UFD1: variants seen among roughly 807,000 people sequenced by gnomAD.
The protein encoded by UFD1 is ubiquitin recognition factor in ER-associated degradation protein 1.
Under a neutral mutation model 45.9 loss-of-function variants are expected in UFD1, and 13 were observed. That is an observed-to-expected ratio of 0.28 (90% CI 0.18 to 0.45). The LOEUF (loss-of-function observed/expected upper bound fraction) is 0.45, where lower values mean the gene tolerates loss of function less well. Ranked by LOEUF, UFD1 falls within the 20% of genes least tolerant of loss-of-function variation. The pLI, the probability that UFD1 is intolerant of heterozygous loss-of-function variation, is 1.00. For synonymous variants in UFD1, 128 were observed against 139.2 expected, an observed-to-expected ratio of 0.92 and a Z score of 0.56; for missense variants, 218 against 389.2, an observed-to-expected ratio of 0.56 and a Z score of 3.70.
At chr22:19,457,699 T>C (rs1039083250) in intron 7 of UFD1, among the ~76,000 whole-genome samples, 14 of 152,034 alleles carry the variant, frequency 9.2e-5, no homozygotes, top group Non-Finnish European at 1.5e-4. Flanking sequence ...TAATCCCAGC[T>C]ACTCGGGAGG....
chr22:19,476,645 T>A (rs1177337897), intron 1 of UFD1, among the ~76,000 whole-genome samples: 1 of 143,712 alleles, frequency 7.0e-6, no homozygotes, highest in Admixed American at 7.5e-5. Flanking sequence ...CAGATAATAC[T>A]GAAATCTATA....
At chr22:19,459,184 G>A (rs192264072) in intron 6 of UFD1, among the ~76,000 whole-genome samples, 419 of 152,254 alleles carry the variant, frequency 2.8e-3, no homozygotes, top group Middle Eastern at 0.01. Flanking sequence ...AAATGCAGCT[G>A]AATTATATTT....
At chr22:19,463,583 T>A (rs1439656363) in intron 6 of UFD1, among the ~76,000 whole-genome samples, 1 of 152,244 alleles carries the variant, frequency 6.6e-6, no homozygotes, top group Non-Finnish European at 1.5e-5. Flanking sequence ...GAGTGCTTTT[T>A]CCAGAGAGGA....
intron 11 of UFD1, chr22:19,453,601 AAGG>A: frequency 2.0e-6 from 2 of 985,544 alleles, no homozygotes; most frequent in Non-Finnish European, 2.4e-6. Context: ...ATGGTGCCTG[AAGG>A]AGGAGCTGGA....
chr22:19,479,171 C>A lies in UFD1; in HGVS notation c.-86G>T. On this transcript the variant is annotated 5_prime_UTR_variant, in exon 1 of 12. Transcript: ENST00000263202. ...ACCGCTCTCCCAGCCGCCGCTGCCG[C>A]TGCCGCCGCGCCAAGCCGGTACGCC... 6.4e-7 allele frequency: 1 copy of A among 1,573,122 alleles called. No homozygotes were observed.
Position 19,471,676 on chromosome 22 carries a change from G to A in UFD1, c.291+11C>T, listed in dbSNP as rs1024591000. The stretch of plus-strand genomic sequence containing the variant: ...TGGCTGCTCTCTAGAGACCCTGGCA[G>A]CCCCACTCACCCAGTGTGGGAGGTA... On this transcript the variant is annotated intron_variant, in intron 4 of 11. Coordinates refer to ENST00000263202, the MANE Select transcript of UFD1 (RefSeq NM_005659.7). 5 of 1,611,942 alleles carry A rather than the reference G, an allele frequency of 3.1e-6. No homozygotes were observed. The highest frequency in any genetic ancestry group is 4.2e-6 in the Non-Finnish European group (5 of 1,179,644).
intron 6 of UFD1, among the ~76,000 whole-genome samples, chr22:19,459,507 C>A (rs1261501159): frequency 6.6e-6 from 1 of 151,930 alleles, no homozygotes. Flanking sequence ...CCCAGCTATT[C>A]GGGAGGCTGA....
At chr22:19,450,834 T>C in intron 11 of UFD1, 90 bp from the exon 12 acceptor site, 1 of 1,597,684 alleles carries the variant, frequency 6.3e-7, no homozygotes, top group Non-Finnish European at 8.5e-7. Context: ...CCATCCACAT[T>C]ACTCATAAGA....
chr22:19,454,007 A>G (rs1159353433), intron 11 of UFD1: 1 of 985,564 alleles, frequency 1.0e-6, no homozygotes, highest in Non-Finnish European at 1.2e-6. Context: ...CAAAGTGCCC[A>G]TGTCTACAGG....
intron 4 of UFD1, among the ~76,000 whole-genome samples, chr22:19,470,959 G>A (rs949157462): frequency 6.6e-6 from 1 of 152,204 alleles, no homozygotes; most frequent in African/African-American, 2.4e-5. Context: ...CAAAGAGAAG[G>A]ACAAGCAGGT....
rs757394418 is a variant in UFD1 at position 19,467,870 on chromosome 22, T to C, written c.422+3A>G. ...AAGAACTCCGCTTATTTGAAAAAGA[T>C]ACACGGCTTTGGGGTTGGTGATGTC... On this transcript the variant is annotated splice_donor_region_variant and intron_variant, in intron 5 of 11. Coordinates refer to ENST00000263202, the MANE Select transcript of UFD1 (RefSeq NM_005659.7). The C allele has an allele frequency of 6.2e-7, 1 of 1,613,742 alleles. No homozygotes were observed. The highest frequency in any genetic ancestry group is 1.3e-5 in the African/African-American group (1 of 74,928).
intron 1 of UFD1, chr22:19,478,783 T>C (rs2089916266): frequency 2.1e-6 from 1 of 470,794 alleles, no homozygotes; most frequent in Non-Finnish European, 3.7e-6. Flanking sequence ...TGGAAACCTG[T>C]TGCGCGTCCA....
At chr22:19,462,002 T>C (rs1299571851) in intron 6 of UFD1, among the ~76,000 whole-genome samples, 1 of 152,196 alleles carries the variant, frequency 6.6e-6, no homozygotes, top group Non-Finnish European at 1.5e-5. Context: ...TTTCAGGGTT[T>C]GCTTTTTTTT....
Position 19,451,002 on chromosome 22 carries a change from T to C in UFD1, c.850-258A>G, listed in dbSNP as rs936735599. On this transcript the variant is annotated intron_variant, in intron 11 of 11. Coordinates refer to ENST00000263202, the MANE Select transcript of UFD1 (RefSeq NM_005659.7). ...AATAGCTCAGTGTGGTATGTGCCTA[T>C]GATCCCAGCTACTTGGGAGGCTGAG... The C allele has an allele frequency of 1.1e-5, 12 of 1,111,804 alleles. No homozygotes were observed. The African/African-American group carries it at 1.4e-4, about 13-fold the overall frequency. The allele number at this position is 1,111,804 out of a possible 1,614,324, so 68.9% of individuals were successfully genotyped here.
chr22:19,477,615 C>T (rs184211551), intron 1 of UFD1, among the ~76,000 whole-genome samples: 2 of 151,976 alleles, frequency 1.3e-5, no homozygotes. Context: ...ATCTGTTGCT[C>T]GTGAATGTAC....
At chr22:19,453,962 C>T (rs1469325308) in intron 11 of UFD1, 10 of 985,498 alleles carry the variant, frequency 1.0e-5, no homozygotes, top group South Asian at 4.7e-5. Context: ...GAGGTGACTG[C>T]GTTCCAGTTG....
chr22:19,463,337 A>G (rs916528049), intron 6 of UFD1, among the ~76,000 whole-genome samples: 1 of 152,150 alleles, frequency 6.6e-6, no homozygotes, highest in African/African-American at 2.4e-5. Flanking sequence ...GTTGTTTAAC[A>G]TTGTTTTTCA....
intron 3 of UFD1, among the ~76,000 whole-genome samples, chr22:19,474,763 A>G (rs2089869606): frequency 6.6e-6 from 1 of 152,162 alleles, no homozygotes; most frequent in Non-Finnish European, 1.5e-5. Context: ...TAATCCTGAC[A>G]GAATACTGAG....
At position 19,470,257 on chromosome 22, in the gene UFD1, T is replaced by C. The variant is rs1236918152; in HGVS notation, c.291+1430A>G. ...AGTCAGCTGAGGTGAGGAGGCAGCATGGGAAGGCCAGGCACTAGGAGGTGC... is the reference window on the plus strand; with the variant it reads ...AGTCAGCTGAGGTGAGGAGGCAGCACGGGAAGGCCAGGCACTAGGAGGTGC... On this transcript the variant is annotated intron_variant, in intron 4 of 11. Transcript: ENST00000263202. Among the ~76,000 whole-genome samples, 3 of 152,100 alleles carry C rather than the reference T, an allele frequency of 2.0e-5. No homozygotes were observed. In the East Asian group the frequency reaches 5.8e-4, roughly 29 times the overall value.
Sources: allele counts gnomAD v4.1 joint callset (sites outside exome capture counted in the v4.1 genomes callset), GRCh38; gene constraint gnomAD v4.1.1; transcripts MANE v1.5; gene names NCBI Gene and HGNC (gene_info 2026-07-23, HGNC 2026-07-21).